The following BCOR variants were observed in gnomAD, a reference collection of about 807,000 sequenced individuals.
The protein encoded by BCOR is BCL6 corepressor.
BCOR carries 10 observed loss-of-function variants against 86.7 expected under a neutral mutation model. That is an observed-to-expected ratio of 0.12 (90% CI 0.07 to 0.20). The LOEUF is 0.20. Ranked by LOEUF, BCOR falls within the 10% of genes least tolerant of loss-of-function variation. The pLI is 1.00. For synonymous variants in BCOR, 611 were observed against 609.0 expected (o/e 1.00, Z -0.05); for missense variants, 1,259 against 1,452.1 (o/e 0.87, Z 2.16).
At chrX:40,080,213 G>A (rs1031461936) in intron 1 of BCOR, among the ~76,000 whole-genome samples, 17 of 108,026 alleles carry the variant, frequency 1.6e-4, no homozygotes, top group Admixed American at 6.7e-4. Context: ...AGGCCGAGGT[G>A]GGTGGATCAC....
At chrX:40,137,548 AAAAATAAAAT>A (rs11272476) in intron 1 of BCOR, among the ~76,000 whole-genome samples, 14 of 93,750 alleles carry the variant, frequency 1.5e-4, no homozygotes, top group South Asian at 1.1e-3. Flanking sequence ...ACTCCATCTC[AAAAATAAAAT>A]AAAATAAAAT....
chrX:40,102,474 C>G (rs1238044091), upstream of BCOR, among the ~76,000 whole-genome samples: 1 of 113,932 alleles, frequency 8.8e-6, no homozygotes, highest in East Asian at 2.8e-4. Context: ...CCGCGCTGGG[C>G]CGGGTGCTCC....
intron 1 of BCOR, among the ~76,000 whole-genome samples, chrX:40,117,089 G>A (rs1937407249): frequency 8.9e-6 from 1 of 112,492 alleles, no homozygotes. Flanking sequence ...ACCAGCCATT[G>A]TCCTCTGCTC....
At chrX:40,085,317 C>G (rs1218762532) in intron 1 of BCOR, among the ~76,000 whole-genome samples, 1 of 112,708 alleles carries the variant, frequency 8.9e-6, no homozygotes, top group African/African-American at 3.2e-5. Context: ...TACAGCCCGG[C>G]TGCTTTAAGA....
intron 1 of BCOR, among the ~76,000 whole-genome samples, chrX:40,156,335 C>T (rs1938292910): frequency 9.0e-6 from 1 of 110,961 alleles, no homozygotes; most frequent in Non-Finnish European, 1.9e-5. Flanking sequence ...GGAGCCCGTG[C>T]AGCTTAGGCT....
intron 14 of BCOR, 180 bp downstream of exon 14, chrX:40,053,706 T>C (rs1349912915): frequency 7.7e-6 from 4 of 517,277 alleles, no homozygotes; most frequent in Non-Finnish European, 1.3e-5. Flanking sequence ...CCCACCACAC[T>C]GGGTGTAAGG....
chrX:40,144,922 A>G (rs1938006339), intron 1 of BCOR, among the ~76,000 whole-genome samples: 1 of 110,417 alleles, frequency 9.1e-6, no homozygotes, highest in African/African-American at 3.3e-5. Flanking sequence ...AATGTCGACA[A>G]ATTTGAAACA....
chrX:40,072,131 T>G, intron 4 of BCOR: 2 of 439,639 alleles, frequency 4.5e-6, no homozygotes, highest in Non-Finnish European at 7.9e-6. Context: ...TTGAGTGGAG[T>G]TCCCTTATAA....
chrX:40,089,041 T>C (rs1238996411), intron 1 of BCOR, among the ~76,000 whole-genome samples: 1 of 111,757 alleles, frequency 8.9e-6, no homozygotes, highest in African/African-American at 3.3e-5. Context: ...AAGGTGGACC[T>C]AGAATACCCT....
intron 1 of BCOR, among the ~76,000 whole-genome samples, chrX:40,166,851 A>C (rs1938516189): frequency 8.9e-6 from 1 of 112,010 alleles, no homozygotes. Flanking sequence ...TGAGGCCAGG[A>C]GGCCAGGTGT....
chrX:40,057,677 TAC>T, intron 10 of BCOR, among the ~76,000 whole-genome samples: 1 of 111,786 alleles, frequency 8.9e-6, no homozygotes, highest in East Asian at 2.8e-4. Context: ...GCACAGTGAG[TAC>T]AGAGGGATTT....
chrX:40,074,893 T>C lies in BCOR; in HGVS notation c.453A>G (p.Thr151=), dbSNP rs1450768568. 1.1e-5 allele frequency: 13 copies of C among 1,208,727 alleles called. No individual in the cohort carries two copies. The Admixed American group carries it at 2.4e-4, about 22-fold the overall frequency. ...PPNGFSAIYK[T]PPGIQKSAVA... is the part of the protein sequence containing the mutation. ...CAGCACTTTTTTGTATTCCAGGCGG[T>C]GTTTTGTATATAGCACTGAAGCCAT... Residue 151 remains threonine (T), a synonymous_variant, in exon 4 of 15, where the codon ACA becomes ACG. Coordinates refer to ENST00000378444, the MANE Select transcript of BCOR (RefSeq NM_001123385.2).
intron 1 of BCOR, among the ~76,000 whole-genome samples, chrX:40,095,673 GTTTCTT>G: frequency 8.9e-6 from 1 of 112,411 alleles, no homozygotes; most frequent in African/African-American, 3.2e-5. Flanking sequence ...AAGCGCGTTG[GTTTCTT>G]TTTAAGGTTT....
At chrX:40,129,964 C>T (rs1243164770) in intron 1 of BCOR, among the ~76,000 whole-genome samples, 1 of 111,155 alleles carries the variant, frequency 9.0e-6, no homozygotes, top group Non-Finnish European at 1.9e-5. Context: ...TTGTATGAAC[C>T]AGTGAGCCAA....
At chrX:40,175,477 G>A (rs751728269) in intron 1 of BCOR, among the ~76,000 whole-genome samples, 1 of 113,489 alleles carries the variant, frequency 8.8e-6, no homozygotes, top group Non-Finnish European at 1.9e-5. Context: ...CCAACAGAAA[G>A]TGTGTGCGCA....
At chrX:40,088,136 C>T (rs976301833) in intron 1 of BCOR, among the ~76,000 whole-genome samples, 1 of 111,915 alleles carries the variant, frequency 8.9e-6, no homozygotes, top group African/African-American at 3.3e-5. Context: ...ACAAAACAAA[C>T]AGATCCTCGA....
At chrX:40,163,649 T>C (rs1938461198) in intron 1 of BCOR, among the ~76,000 whole-genome samples, 1 of 91,494 alleles carries the variant, frequency 1.1e-5, no homozygotes, top group Non-Finnish European at 2.1e-5. Context: ...GTAGGATCTC[T>C]GTCCCTTCCC....
At chrX:40,080,814 TCGTGTGTGTGTGTG>T (rs1241412029) in intron 1 of BCOR, among the ~76,000 whole-genome samples, 45 of 70,673 alleles carry the variant, frequency 6.4e-4, no homozygotes, top group African/African-American at 1.9e-3. Context: ...CGGTTCACTG[TCGTGTGTGTGTGTG>T]TGTGTGTGTG....
chrX:40,159,448 G>A (rs928627562), intron 1 of BCOR, among the ~76,000 whole-genome samples: 1 of 112,938 alleles, frequency 8.9e-6, no homozygotes, highest in African/African-American at 3.2e-5. Context: ...CCAGGTTCAC[G>A]CCATTTTCCT....
Sources: gnomAD v4.1 joint callset for allele counts (sites outside exome capture counted in the v4.1 genomes callset) on GRCh38, gnomAD v4.1.1 for gene constraint, MANE v1.5 for transcripts, NCBI Gene and HGNC (gene_info 2026-07-23, HGNC 2026-07-21) for gene names.